Variants in GTF3C1 observed in about 807,000 individuals in gnomAD.
GTF3C1 encodes general transcription factor 3C polypeptide 1.
A neutral mutation model predicts 226.7 loss-of-function variants in GTF3C1; 57 were observed. That is an observed-to-expected ratio of 0.25 (90% CI 0.20 to 0.31). The LOEUF (loss-of-function observed/expected upper bound fraction) is 0.31. Among genes scored for constraint, GTF3C1 ranks in the 10% least tolerant of loss-of-function variants. The pLI is 1.00. For missense variants in GTF3C1, 2,217 were observed against 2,776.1 expected (o/e 0.80, Z 4.53); for synonymous variants, 1,090 against 1,084.8 (o/e 1.00, Z -0.09).
At chr16:27,503,100 C>A in intron 10 of GTF3C1, 105 bp from the exon 11 acceptor site, 1 of 765,772 alleles carries the variant, frequency 1.3e-6, no homozygotes, top group African/African-American at 1.7e-5. Context: ...ACTTCTACTC[C>A]CATCTTTCAA....
At chr16:27,494,202 C>T (rs2088276551) in intron 16 of GTF3C1, among the ~76,000 whole-genome samples, 1 of 152,032 alleles carries the variant, frequency 6.6e-6, no homozygotes, top group South Asian at 2.1e-4. Flanking sequence ...AAGATTGAGA[C>T]CATCCTGGCT....
intron 10 of GTF3C1, among the ~76,000 whole-genome samples, chr16:27,504,750 CA>C (rs1412439671): frequency 2.0e-5 from 3 of 151,406 alleles, no homozygotes; most frequent in African/African-American, 7.3e-5. Flanking sequence ...ACCATCTCTA[CA>C]AAAAAATACA....
At chr16:27,481,026 C>T (rs1245569439) in intron 27 of GTF3C1, 53 bp downstream of exon 27, 3 of 1,459,250 alleles carry the variant, frequency 2.1e-6, no homozygotes, top group East Asian at 4.5e-5. Flanking sequence ...CAGGGCTGGC[C>T]TTTTCTTCTT....
intron 2 of GTF3C1, among the ~76,000 whole-genome samples, chr16:27,542,966 G>C (rs2089110352): frequency 6.6e-6 from 1 of 152,242 alleles, no homozygotes; most frequent in African/African-American, 2.4e-5. Flanking sequence ...GACAGGAACA[G>C]AAGGCAGGTT....
intron 12 of GTF3C1, among the ~76,000 whole-genome samples, chr16:27,499,111 T>C (rs1349467016): frequency 2.0e-5 from 3 of 152,224 alleles, no homozygotes; most frequent in African/African-American, 4.8e-5. Context: ...TCCCAGTTGC[T>C]TGTGAGTCCT....
chr16:27,467,797 G>C (rs2141344988), intron 32 of GTF3C1, among the ~76,000 whole-genome samples: 1 of 152,266 alleles, frequency 6.6e-6, no homozygotes, highest in East Asian at 1.9e-4. Context: ...TTGAACCTGG[G>C]AGGTGGAGGT....
In GTF3C1 at chr16:27,486,003, G is replaced by A. The variant is rs1304109677; in HGVS notation, c.3852C>T (p.Asn1284=). Residue 1284 remains asparagine, a synonymous_variant, in exon 24 of 37, where the codon AAC becomes AAT. Coordinates refer to ENST00000356183, the MANE Select transcript of GTF3C1 (RefSeq NM_001520.4). The stretch of plus-strand genomic sequence containing the variant: ...GGGCTGGGCTGGTTGGTACCTTGGT[G>A]TTGAGGACATTGCTGGCAATGCGGC... ...VLCRIASNVL[N]TKVKGPFVTW... is the part of the protein sequence containing the mutation. 1 of 1,607,238 alleles carries A rather than the reference G, an allele frequency of 6.2e-7. No individual in the cohort carries two copies. The highest frequency in any genetic ancestry group is 1.7e-5 in the Admixed American group (1 of 59,464).
rs767719150 is a variant in GTF3C1, at chr16:27,495,338, C to T, written c.2505G>A (p.Glu835=). ...FISERRTIKQ[E]SGRAGVRPSS... ...ACGGCCGGACGCCTGCCCTGCCTGA[C>T]TCCTGCTTTATCGTTCTCCGTTCAC... The change falls in exon 15 of 37, where the codon GAG becomes GAA. Residue 835 remains glutamate, a synonymous_variant. Transcript: ENST00000356183. The T allele has an allele frequency of 1.2e-6, 2 of 1,614,174 alleles. No individual in the cohort carries two copies. The highest frequency in any genetic ancestry group is 1.7e-5 in the Admixed American group (1 of 60,036).
chr16:27,461,577 C>T lies in GTF3C1; in HGVS notation c.6118-15G>A. 6.3e-7 allele frequency: 1 copy of T among 1,595,668 alleles called. No individual in the cohort carries two copies. The highest frequency in any genetic ancestry group is 1.1e-5 in the South Asian group (1 of 90,754). Reference sequence around the variant, plus strand: ...GACTCCAGGCCCTGGAGACACCAGACACACAGGTTACAGCGGCACTGCCCT... The same window carrying T: ...GACTCCAGGCCCTGGAGACACCAGATACACAGGTTACAGCGGCACTGCCCT... On this transcript the variant is annotated splice_polypyrimidine_tract_variant and intron_variant, in intron 36 of 36. Transcript: ENST00000356183. The surrounding 1 kb of genome is among the most constrained non-coding windows in gnomAD (Gnocchi z 5.3).
intron 16 of GTF3C1, among the ~76,000 whole-genome samples, chr16:27,493,533 G>T (rs543923820): frequency 6.6e-6 from 1 of 152,308 alleles, no homozygotes; most frequent in South Asian, 2.1e-4. Context: ...TACCCTGCTG[G>T]TAGGCATAGA....
chr16:27,493,869 A>T (rs1444859118), intron 16 of GTF3C1, among the ~76,000 whole-genome samples: 1 of 152,248 alleles, frequency 6.6e-6, no homozygotes, highest in Non-Finnish European at 1.5e-5. Flanking sequence ...GATGCAAAAA[A>T]TACAAAACAT....
chr16:27,543,960 A>G (rs899522821), intron 2 of GTF3C1, among the ~76,000 whole-genome samples: 1 of 152,090 alleles, frequency 6.6e-6, no homozygotes, highest in African/African-American at 2.4e-5. Context: ...GAAACAGTGA[A>G]TGGGGGTGAT....
At chr16:27,482,340 T>C (rs911600015) in intron 26 of GTF3C1, among the ~76,000 whole-genome samples, 10 of 152,104 alleles carry the variant, frequency 6.6e-5, no homozygotes, top group African/African-American at 2.2e-4. Context: ...CTGCTTGGCA[T>C]TTGGGAAAAA....
intron 25 of GTF3C1, 146 bp downstream of exon 25, chr16:27,484,065 C>T (rs894111872): frequency 1.6e-6 from 1 of 642,518 alleles, no homozygotes; most frequent in African/African-American, 1.8e-5. Context: ...CCTCAAAAAA[C>T]CAAGGTCCAT....
At position 27,495,301 on chromosome 16, in the gene GTF3C1, T is replaced by C. The variant is rs2088299052; in HGVS notation, c.2542A>G (p.Ser848Gly). Residue 848 changes from serine to glycine, a missense_variant, in exon 15 of 37, where the codon AGT becomes GGT. Around this residue, in one of 12 missense-constraint regions of GTF3C1, gnomAD observed 353 missense variants for 411.7 expected, o/e 0.86. Coordinates refer to ENST00000356183, the MANE Select transcript of GTF3C1 (RefSeq NM_001520.4). ...GCTTCAGAGCAGGCCTCCCAGGCAC[T>C]TCCAGAGGAGGACGGCCGGACGCCT... The part of the protein sequence containing the change: ...RAGVRPSSSG[S>G]AWEACSEAPS... 1.2e-6 allele frequency: 2 copies of C among 1,613,134 alleles called. No individual in the cohort carries two copies. Among genetic ancestry groups the C allele is most frequent in the African/African-American group, 1.3e-5 (1 of 75,030 alleles).
At chr16:27,482,580 C>T in intron 26 of GTF3C1, 1 of 456,226 alleles carries the variant, frequency 2.2e-6, no homozygotes, top group South Asian at 1.5e-5. Context: ...AGTCCTGCCA[C>T]ACACACTGTA....
rs1365863105 is a variant in GTF3C1, at chr16:27,465,560, G to C, written c.5075-20C>G. 1.9e-6 allele frequency: 3 copies of C among 1,584,550 alleles called. No individual in the cohort carries two copies. Among genetic ancestry groups the C allele is most frequent in the East Asian group, 2.3e-5 (1 of 44,402 alleles). On this transcript the variant is annotated intron_variant, in intron 32 of 36. Transcript: ENST00000356183. ...GAGCGGCTGTGGGGACACAGAGGAA[G>C]ATCAGAGGCAGCCCGACAGAGGCCC... is the stretch of plus-strand genomic sequence containing the variant.
intron 2 of GTF3C1, among the ~76,000 whole-genome samples, chr16:27,541,084 A>AC (rs1226286908): frequency 6.6e-6 from 1 of 151,488 alleles, no homozygotes; most frequent in African/African-American, 2.4e-5. Flanking sequence ...CAAGTGATCC[A>AC]CCCCCCTCGG....
chr16:27,486,340 AT>A (rs913299306), intron 23 of GTF3C1, among the ~76,000 whole-genome samples, 186 bp from the exon 24 acceptor site: 8 of 151,702 alleles, frequency 5.3e-5, no homozygotes, highest in East Asian at 3.9e-4. Context: ...GATAGATTTT[AT>A]TTTTTTTTAA....
Sources: gnomAD v4.1 joint callset for allele counts (sites outside exome capture counted in the v4.1 genomes callset) on GRCh38, gnomAD v4.1.1 for gene constraint, gnomAD v4.1.1 regional missense constraint, Gnocchi (gnomAD v3.1) non-coding constraint, MANE v1.5 for transcripts, NCBI Gene and HGNC (gene_info 2026-07-23, HGNC 2026-07-21) for gene names.